UBR2: variants seen among roughly 807,000 people sequenced by gnomAD.
UBR2 encodes ubiquitin protein ligase E3 component n-recognin 2, also known as E3 ubiquitin-protein ligase UBR2.
In UBR2, 92 loss-of-function variants were observed where a neutral mutation model predicts 247.9. That is an observed-to-expected ratio of 0.37 (90% confidence interval 0.31 to 0.44). UBR2 has a LOEUF of 0.44. Among genes scored for constraint, UBR2 ranks in the 20% least tolerant of loss-of-function variants. UBR2 has a pLI of 1.00. For missense variants in UBR2, 1,613 were observed against 2,112.6 expected (o/e 0.76, Z 4.64); for synonymous variants, 672 against 693.5 (o/e 0.97, Z 0.49).
intron 11 of UBR2, among the ~76,000 whole-genome samples, chr6:42,618,438 A>T (rs1794695708): frequency 6.6e-6 from 1 of 152,210 alleles, no homozygotes; most frequent in Admixed American, 6.5e-5. Flanking sequence ...TTAATAAGGC[A>T]TATTAAAAAT....
chr6:42,660,365 C>T (rs916969357), intron 30 of UBR2, among the ~76,000 whole-genome samples: 2 of 152,078 alleles, frequency 1.3e-5, no homozygotes, highest in African/African-American at 4.8e-5. Context: ...GTTGAGGGCC[C>T]TCTTTCAGCA....
intron 2 of UBR2, among the ~76,000 whole-genome samples, chr6:42,580,522 GTCA>G (rs1791812035): frequency 6.6e-6 from 1 of 151,506 alleles, no homozygotes; most frequent in Non-Finnish European, 1.5e-5. Context: ...ATTTACATAT[GTCA>G]AAAGACAAAT....
At chr6:42,628,580 G>A (rs1222289237) in intron 11 of UBR2, among the ~76,000 whole-genome samples, 2 of 151,992 alleles carry the variant, frequency 1.3e-5, no homozygotes, top group African/African-American at 2.4e-5. Flanking sequence ...AAAATTAGCT[G>A]GGCATGGTGG....
At chr6:42,635,941 G>A (rs2151953673) in intron 14 of UBR2, among the ~76,000 whole-genome samples, 1 of 152,268 alleles carries the variant, frequency 6.6e-6, no homozygotes, top group East Asian at 1.9e-4. Context: ...ATGAGAGCCT[G>A]TATACATTAT....
chr6:42,637,354 A>T (rs146776481), intron 15 of UBR2, among the ~76,000 whole-genome samples, 160 bp downstream of exon 15: 14 of 152,340 alleles, frequency 9.2e-5, no homozygotes, highest in Non-Finnish European at 1.6e-4. Context: ...AGGTATTATT[A>T]TTAAGCTTGC....
At chr6:42,604,333 G>T (rs1027222325) in intron 5 of UBR2, among the ~76,000 whole-genome samples, 1 of 152,108 alleles carries the variant, frequency 6.6e-6, no homozygotes, top group African/African-American at 2.4e-5. Flanking sequence ...GTAAGACCAA[G>T]CTTGTTGGAA....
intron 34 of UBR2, among the ~76,000 whole-genome samples, chr6:42,667,463 G>A (rs1225155774): frequency 6.6e-6 from 1 of 151,074 alleles, no homozygotes; most frequent in Non-Finnish European, 1.5e-5. Flanking sequence ...CTTCACTGTT[G>A]ACTGGTAAAT....
At chr6:42,601,033 G>A (rs1166754579) in intron 4 of UBR2, among the ~76,000 whole-genome samples, 3 of 152,206 alleles carry the variant, frequency 2.0e-5, no homozygotes, top group Non-Finnish European at 4.4e-5. Flanking sequence ...GTAAAATAGA[G>A]TTTGGAAACT....
chr6:42,596,454 A>C (rs1352754209), intron 4 of UBR2, among the ~76,000 whole-genome samples: 1 of 152,132 alleles, frequency 6.6e-6, no homozygotes, highest in African/African-American at 2.4e-5. Context: ...TCAAAATATT[A>C]AACATTACCG....
intron 9 of UBR2, among the ~76,000 whole-genome samples, chr6:42,615,752 T>TAA (rs112022552): frequency 4.6e-5 from 6 of 130,540 alleles, no homozygotes; most frequent in South Asian, 2.4e-4. Flanking sequence ...AGCAAGACCC[T>TAA]AAAAAAAAAA....
intron 2 of UBR2, among the ~76,000 whole-genome samples, chr6:42,580,689 G>A (rs796307595): frequency 4.6e-5 from 7 of 152,052 alleles, no homozygotes; most frequent in African/African-American, 1.7e-4. Flanking sequence ...ACAGGTGCCC[G>A]CCACCACGCC....
chr6:42,652,536 G>A lies in UBR2; in HGVS notation c.2660G>A (p.Ser887Asn). 2 of 1,612,994 alleles carry A rather than the reference G, an allele frequency of 1.2e-6. No individual in the cohort carries two copies. Among genetic ancestry groups the A allele is most frequent in the Non-Finnish European group, 1.7e-6 (2 of 1,179,876 alleles). The change falls in exon 25 of 47, where the codon AGC becomes AAC. Residue 887 changes from serine to asparagine, a missense_variant. Ser to Asn is a conservative substitution (Grantham distance 46). Transcript: ENST00000372901. ...VLPPFCPLFA[S>N]LVNILQSDVM... ...CCTCCATTCTGCCCTCTGTTTGCAA[G>A]CCTGGTTAACATTTTGCAGTCAGAT...
intron 11 of UBR2, among the ~76,000 whole-genome samples, chr6:42,623,123 G>C (rs1169496187): frequency 6.6e-6 from 1 of 152,160 alleles, no homozygotes; most frequent in Non-Finnish European, 1.5e-5. Flanking sequence ...TTAAATACAA[G>C]TGGTAGATAA....
rs371350517 is a variant in UBR2, at chr6:42,685,832, G to T, written c.4853+961G>T. Reference sequence around the variant, plus strand: ...ATGGAGGCTGCAGTTAGTCATGATCGTGCCACTGCACTCTAGCCTGGGTGA... The same window carrying T: ...ATGGAGGCTGCAGTTAGTCATGATCTTGCCACTGCACTCTAGCCTGGGTGA... On this transcript the variant is annotated intron_variant, in intron 44 of 46. Transcript: ENST00000372901. Among the ~76,000 whole-genome samples, 12 of 151,726 alleles carry T rather than the reference G, an allele frequency of 7.9e-5. No individual in the cohort carries two copies. The East Asian group carries it at 1.9e-3, about 24-fold the overall frequency.
intron 22 of UBR2, among the ~76,000 whole-genome samples, chr6:42,649,101 A>G (rs560662787): frequency 4.6e-5 from 7 of 152,220 alleles, no homozygotes; most frequent in African/African-American, 1.7e-4. Context: ...TCCGCCTCCT[A>G]GGTCCAAGCA....
Position 42,615,683 on chromosome 6 carries a change from A to C in UBR2, c.1094-319A>C, listed in dbSNP as rs528377226. On this transcript the variant is annotated intron_variant, in intron 9 of 46. Transcript: ENST00000372901. ...TGTGTGCCTGTAGTCTCAGCTACACAGGAGGCTGAGGCAAGAGGATCACTT... is the reference window on the plus strand; with the variant it reads ...TGTGTGCCTGTAGTCTCAGCTACACCGGAGGCTGAGGCAAGAGGATCACTT... Among the ~76,000 whole-genome samples, 131 of 151,964 alleles carry C rather than the reference A, an allele frequency of 8.6e-4. 1 individual carries two copies. Among genetic ancestry groups the C allele is most frequent in the African/African-American group, 3.0e-3 (124 of 41,450 alleles).
intron 1 of UBR2, among the ~76,000 whole-genome samples, chr6:42,569,143 T>G (rs1790962304): frequency 1.3e-5 from 2 of 152,238 alleles, no homozygotes; most frequent in Non-Finnish European, 2.9e-5. Flanking sequence ...TTTTACAAAT[T>G]TTTGTGGGGA....
chr6:42,642,149 T>G (rs1276364321), intron 17 of UBR2, among the ~76,000 whole-genome samples: 1 of 152,208 alleles, frequency 6.6e-6, no homozygotes, highest in Non-Finnish European at 1.5e-5. Flanking sequence ...TCTCCTGTGT[T>G]TGGTAGCTCC....
chr6:42,590,986 C>G (rs1431583311), intron 2 of UBR2, among the ~76,000 whole-genome samples: 2 of 152,104 alleles, frequency 1.3e-5, no homozygotes, highest in Non-Finnish European at 2.9e-5. Flanking sequence ...GTGCGGTGGC[C>G]CATGCCTGTA....
Sources: gnomAD v4.1 joint callset for allele counts (sites outside exome capture counted in the v4.1 genomes callset) on GRCh38, gnomAD v4.1.1 for gene constraint, MANE v1.5 for transcripts, NCBI Gene and HGNC (gene_info 2026-07-23, HGNC 2026-07-21) for gene names.